The following SAMSN1 variants were observed in gnomAD, a reference collection of about 807,000 sequenced individuals.
SAMSN1 encodes SAM domain, SH3 domain and nuclear localization signals 1.
A neutral mutation model predicts 42.0 loss-of-function variants in SAMSN1; 31 were observed. The observed-to-expected ratio is 0.74, with a 90% CI of 0.55 to 1.00. SAMSN1 has a LOEUF of 1.00. SAMSN1 is among the 50% of genes least tolerant of loss of function. The pLI, the probability that SAMSN1 is intolerant of heterozygous loss-of-function variation, is 0.00. For missense variants in SAMSN1, 464 were observed against 439.4 expected (o/e 1.06, Z -0.50); for synonymous variants, 178 against 151.9 (o/e 1.17, Z -1.26).
intron 1 of SAMSN1, among the ~76,000 whole-genome samples, chr21:14,657,605 A>G (rs1983937654): frequency 1.3e-5 from 2 of 151,970 alleles, no homozygotes; most frequent in Non-Finnish European, 1.5e-5. Flanking sequence ...GCCTATTTCC[A>G]TGGGAAGTAT....
intron 2 of SAMSN1, among the ~76,000 whole-genome samples, chr21:14,558,657 G>A (rs148488653): frequency 6.6e-6 from 1 of 152,128 alleles, no homozygotes; most frequent in East Asian, 1.9e-4. Context: ...TGCCAGCCTG[G>A]GTGACAGAGT....
At chr21:14,640,753 G>A (rs1002391358) in intron 2 of SAMSN1, among the ~76,000 whole-genome samples, 3 of 152,008 alleles carry the variant, frequency 2.0e-5, no homozygotes, top group African/African-American at 7.2e-5. Context: ...TGATGGGAAT[G>A]ACATAATTCA....
intron 6 of SAMSN1, 59 bp downstream of exon 6, chr21:14,500,470 T>C (rs1055103495): frequency 7.1e-7 from 1 of 1,416,252 alleles, no homozygotes; most frequent in African/African-American, 1.4e-5. Context: ...ACTGATCCAC[T>C]CCCTTCGGTG....
intron 1 of SAMSN1, among the ~76,000 whole-genome samples, chr21:14,645,680 G>A (rs906993221): frequency 6.6e-6 from 1 of 152,152 alleles, no homozygotes; most frequent in Non-Finnish European, 1.5e-5. Context: ...AGGCACCAGG[G>A]ACCAATCCTG....
intron 1 of SAMSN1, among the ~76,000 whole-genome samples, chr21:14,650,812 A>C (rs1983821199): frequency 6.6e-6 from 1 of 152,082 alleles, no homozygotes; most frequent in African/African-American, 2.4e-5. Flanking sequence ...GATAAAGCCC[A>C]AATAAATAAA....
intron 2 of SAMSN1, among the ~76,000 whole-genome samples, chr21:14,625,163 C>T (rs1372260301): frequency 6.6e-6 from 1 of 152,042 alleles, no homozygotes; most frequent in Non-Finnish European, 1.5e-5. Context: ...AAACCCACAG[C>T]CAATATCATA....
At chr21:14,638,398 A>G (rs1277723152) in intron 2 of SAMSN1, among the ~76,000 whole-genome samples, 1 of 152,146 alleles carries the variant, frequency 6.6e-6, no homozygotes, top group African/African-American at 2.4e-5. Context: ...TCACTTTTCA[A>G]GTACTCAATT....
chr21:14,535,799 C>A (rs573276795), intron 1 of SAMSN1, among the ~76,000 whole-genome samples: 8 of 152,278 alleles, frequency 5.3e-5, no homozygotes, highest in Admixed American at 1.3e-4. Context: ...TCCTTGAAAG[C>A]TCTCTGTGAA....
intron 5 of SAMSN1, among the ~76,000 whole-genome samples, chr21:14,609,287 C>T (rs1982643120): frequency 6.6e-6 from 1 of 151,886 alleles, no homozygotes; most frequent in Admixed American, 6.6e-5. Context: ...TATATATACA[C>T]ATATATATAT....
chr21:14,512,029 G>A (rs1987707321), intron 4 of SAMSN1, among the ~76,000 whole-genome samples: 1 of 152,032 alleles, frequency 6.6e-6, no homozygotes, highest in Non-Finnish European at 1.5e-5. Context: ...GGGGACGCAG[G>A]GAAGAGGAAG....
intron 7 of SAMSN1, among the ~76,000 whole-genome samples, chr21:14,492,059 T>C (rs1986711714): frequency 6.6e-6 from 1 of 152,208 alleles, no homozygotes; most frequent in African/African-American, 2.4e-5. Context: ...TTTAACAGGT[T>C]AATTATTGAT....
At chr21:14,583,627 C>T, upstream of SAMSN1, 1 of 714,990 alleles carries the variant, frequency 1.4e-6, no homozygotes, top group Admixed American at 2.0e-5. Flanking sequence ...GGAGTTTTAA[C>T]AGCTTATTGA....
chr21:14,628,546 A>T (rs1983241676), intron 2 of SAMSN1, among the ~76,000 whole-genome samples: 1 of 152,190 alleles, frequency 6.6e-6, no homozygotes, highest in Non-Finnish European at 1.5e-5. Flanking sequence ...GTATTTTCAA[A>T]ACGAGAAGAT....
chr21:14,485,870 A>G lies in SAMSN1; in HGVS notation c.*42T>C. On this transcript the variant is annotated 3_prime_UTR_variant, in exon 8 of 8. Transcript: ENST00000400566. ...TTGACGTTTTAGCTCAAGAAGAGTTAAAATGGAATGCATCTGTAGATATAT... is the reference window on the plus strand; with the variant it reads ...TTGACGTTTTAGCTCAAGAAGAGTTGAAATGGAATGCATCTGTAGATATAT... The G allele has an allele frequency of 6.7e-7, 1 of 1,491,536 alleles. No homozygotes were observed. Among genetic ancestry groups the G allele is most frequent in the Non-Finnish European group, 9.3e-7 (1 of 1,070,538 alleles). 92.4% of individuals were successfully genotyped at this position (1,491,536 alleles called of 1,614,324 possible). A position where few individuals can be genotyped will look rare whatever the true frequency, so the allele number is the denominator to read the frequency against.
intron 4 of SAMSN1, among the ~76,000 whole-genome samples, chr21:14,511,636 T>A (rs1247025284): frequency 2.6e-5 from 4 of 152,106 alleles, no homozygotes; most frequent in Non-Finnish European, 5.9e-5. Flanking sequence ...GAAACAAACT[T>A]TGCAAAAACA....
chr21:14,550,904 A>G (rs928055123), upstream of SAMSN1, among the ~76,000 whole-genome samples: 1 of 152,144 alleles, frequency 6.6e-6, no homozygotes, highest in Non-Finnish European at 1.5e-5. Context: ...TTCAGTAAAC[A>G]AAATATGTGT....
At chr21:14,534,558 C>T (rs1019538972) in intron 1 of SAMSN1, among the ~76,000 whole-genome samples, 4 of 151,756 alleles carry the variant, frequency 2.6e-5, no homozygotes, top group African/African-American at 9.7e-5. Flanking sequence ...CGCTGTCGCC[C>T]AGGCTGGAGT....
chr21:14,529,583 C>A (rs1050858543), intron 1 of SAMSN1, among the ~76,000 whole-genome samples: 1 of 152,088 alleles, frequency 6.6e-6, no homozygotes, highest in Non-Finnish European at 1.5e-5. Flanking sequence ...TAAGGGCTGT[C>A]GGTATGAATA....
chr21:14,582,959 GA>G (rs765317579), intron 1 of SAMSN1, among the ~76,000 whole-genome samples: 1 of 152,056 alleles, frequency 6.6e-6, no homozygotes, highest in African/African-American at 2.4e-5. Context: ...CTGACATTCT[GA>G]AATTGTCTAT....
Sources: gnomAD v4.1 joint callset for allele counts (sites outside exome capture counted in the v4.1 genomes callset) on GRCh38, gnomAD v4.1.1 for gene constraint, MANE v1.5 for transcripts, NCBI Gene and HGNC (gene_info 2026-07-23, HGNC 2026-07-21) for gene names.